Variants in SLC2A9 observed in about 807,000 individuals in gnomAD.
The protein encoded by SLC2A9 is solute carrier family 2 member 9.
SLC2A9 carries 39 observed loss-of-function variants against 50.6 expected under a neutral mutation model. That is an observed-to-expected ratio of 0.77 (90% CI 0.60 to 1.01). The LOEUF is 1.01. Ranked by LOEUF, SLC2A9 falls within the 50% of genes least tolerant of loss-of-function variation. SLC2A9 has a pLI of 0.00. For missense variants in SLC2A9, 686 were observed against 677.6 expected (o/e 1.01, Z -0.14); for synonymous variants, 324 against 276.9 (o/e 1.17, Z -1.69).
At chr4:10,023,912 C>T (rs924990788), upstream of SLC2A9, among the ~76,000 whole-genome samples, 1 of 152,320 alleles carries the variant, frequency 6.6e-6, no homozygotes, top group African/African-American at 2.4e-5. Context: ...GCTAAGGAAG[C>T]GACTCCTATC....
At chr4:9,912,723 G>A (rs1485299215) in intron 7 of SLC2A9, among the ~76,000 whole-genome samples, 1 of 152,232 alleles carries the variant, frequency 6.6e-6, no homozygotes, top group Non-Finnish European at 1.5e-5. Context: ...GTGGTGAGCA[G>A]AACAACAGCC....
At chr4:10,035,271 T>A (rs1376484704) in intron 1 of SLC2A9, 1 of 152,176 alleles carries the variant, frequency 6.6e-6, no homozygotes, top group Non-Finnish European at 1.5e-5. Flanking sequence ...AAAGAACACT[T>A]CTCAACAGAA....
At chr4:9,854,634 A>C (rs141821647) in intron 10 of SLC2A9, among the ~76,000 whole-genome samples, 105 of 152,322 alleles carry the variant, frequency 6.9e-4, no homozygotes, top group East Asian at 6.4e-3. Flanking sequence ...CTGATACCAA[A>C]ACCTGGCAGA....
upstream of SLC2A9, among the ~76,000 whole-genome samples, chr4:10,025,149 G>A (rs1014676358): frequency 6.7e-6 from 1 of 149,990 alleles, no homozygotes; most frequent in African/African-American, 2.5e-5. Context: ...ACCAAATACA[G>A]GTTTATTATA....
chr4:9,903,260 ATT>A (rs35134320), intron 8 of SLC2A9, among the ~76,000 whole-genome samples: 76 of 147,078 alleles, frequency 5.2e-4, no homozygotes, highest in Middle Eastern at 3.5e-3. Context: ...AACCATAAGG[ATT>A]TTTTTTTTTT....
At chr4:9,848,355 T>TAAA (rs10716180) in intron 10 of SLC2A9, among the ~76,000 whole-genome samples, 2 of 139,098 alleles carry the variant, frequency 1.4e-5, no homozygotes, top group African/African-American at 2.6e-5. Context: ...ATGTGTTTTC[T>TAAA]AAAAAAAAAA....
intron 5 of SLC2A9, among the ~76,000 whole-genome samples, chr4:9,963,818 A>C (rs1752658793): frequency 2.0e-5 from 3 of 152,306 alleles, no homozygotes; most frequent in Admixed American, 6.5e-5. Context: ...CAAGAATCAC[A>C]TCCAGCGAGT....
chr4:9,887,054 C>T (rs1736400895), intron 10 of SLC2A9, among the ~76,000 whole-genome samples: 1 of 152,262 alleles, frequency 6.6e-6, no homozygotes, highest in Non-Finnish European at 1.5e-5. Context: ...GCCTGGCAGT[C>T]AGGCCACTCC....
intron 11 of SLC2A9, among the ~76,000 whole-genome samples, chr4:9,834,225 C>T (rs1384535284): frequency 1.3e-5 from 2 of 152,188 alleles, no homozygotes; most frequent in African/African-American, 4.8e-5. Context: ...TTTAAAATAG[C>T]ACTTATGCCT....
At chr4:9,995,772 T>C (rs1256647095) in intron 3 of SLC2A9, 1 of 152,226 alleles carries the variant, frequency 6.6e-6, no homozygotes, top group East Asian at 1.9e-4. Context: ...AGGTAGAAAC[T>C]ATCATCCCTA....
intron 9 of SLC2A9, 126 bp downstream of exon 9, chr4:9,890,484 G>A: frequency 1.1e-6 from 1 of 905,354 alleles, no homozygotes; most frequent in Non-Finnish European, 1.8e-6. Flanking sequence ...GATGTCCCCG[G>A]GGAGAGCTTT....
intron 10 of SLC2A9, among the ~76,000 whole-genome samples, chr4:9,838,272 T>C: frequency 6.6e-6 from 1 of 152,134 alleles, no homozygotes; most frequent in East Asian, 1.9e-4. Context: ...CTGGTGAAGA[T>C]GATGATGGTA....
exon 2 of SLC2A9, chr4:9,771,290 A>G (rs1166439063): frequency 5.2e-6 from 2 of 388,260 alleles, no homozygotes; most frequent in African/African-American, 4.1e-5. Context: ...GATGCAGGTC[A>G]ATGGGAGTTT....
intron 10 of SLC2A9, among the ~76,000 whole-genome samples, chr4:9,852,919 G>T (rs764514084): frequency 6.6e-6 from 1 of 152,138 alleles, no homozygotes; most frequent in Non-Finnish European, 1.5e-5. Flanking sequence ...GGCCAGGTGT[G>T]GTGGCTCATG....
At chr4:9,944,231 A>G (rs764960885) in intron 5 of SLC2A9, among the ~76,000 whole-genome samples, 5 of 152,232 alleles carry the variant, frequency 3.3e-5, no homozygotes, top group Non-Finnish European at 7.3e-5. Context: ...AGCAGAGGTC[A>G]GGTCATGGGT....
Position 9,826,557 on chromosome 4 carries a change from C to A in SLC2A9, c.1463G>T (p.Cys488Phe), listed in dbSNP as rs1416584354. 6.2e-7 allele frequency: 1 copy of A among 1,613,852 alleles called. No homozygotes were observed. Among genetic ancestry groups the A allele is most frequent in the Non-Finnish European group, 8.5e-7 (1 of 1,179,910 alleles). Residue 488 changes from cysteine (C) to phenylalanine (F), a missense_variant, in exon 12 of 12, where the codon TGT (cysteine) becomes TTT (phenylalanine). By Grantham distance (205) the Cys-to-Phe change is radical. Transcript: ENST00000264784. ...ATACAGGTAGATAGCACCTGTGATACAAATTGTAGCAAAGACTAGGAAACA... is the reference window on the plus strand; with the variant it reads ...ATACAGGTAGATAGCACCTGTGATAAAAATTGTAGCAAAGACTAGGAAACA... The part of the protein sequence containing the change: ...TYCFLVFATI[C>F]ITGAIYLYFV...
At chr4:9,831,652 A>G (rs540813573) in intron 11 of SLC2A9, among the ~76,000 whole-genome samples, 3 of 152,310 alleles carry the variant, frequency 2.0e-5, no homozygotes, top group Admixed American at 1.3e-4. Context: ...GCAAAATGGA[A>G]AGAGGGGAGC....
intron 3 of SLC2A9, among the ~76,000 whole-genome samples, chr4:9,810,591 T>C (rs1025937913): frequency 1.3e-5 from 2 of 152,230 alleles, no homozygotes; most frequent in African/African-American, 4.8e-5. Flanking sequence ...CATTTACTAA[T>C]TTTTGCTGCA....
chr4:9,876,032 C>A (rs1046392782), intron 10 of SLC2A9, among the ~76,000 whole-genome samples: 4 of 152,206 alleles, frequency 2.6e-5, no homozygotes, highest in Admixed American at 6.5e-5. Flanking sequence ...TGAATCTCTG[C>A]CATGCTTTGT....
Sources: allele counts gnomAD v4.1 joint callset (sites outside exome capture counted in the v4.1 genomes callset), GRCh38; gene constraint gnomAD v4.1.1; transcripts MANE v1.5; gene names NCBI Gene and HGNC (gene_info 2026-07-23, HGNC 2026-07-21).